ACP3: variants seen among roughly 807,000 people sequenced by gnomAD.
ACP3 encodes prostatic acid phosphatase.
A neutral mutation model predicts 45.6 loss-of-function variants in ACP3; 38 were observed. The ratio of observed to expected loss-of-function variants is 0.83; its 90% CI spans 0.64 to 1.09. ACP3 has a LOEUF of 1.09. Among genes scored for constraint, ACP3 ranks in the 50% least tolerant of loss-of-function variants. The pLI, the probability that ACP3 is intolerant of heterozygous loss-of-function variation, is 0.00. For missense variants in ACP3, 466 were observed against 463.2 expected (o/e 1.01, Z -0.05); for synonymous variants, 162 against 164.7 (o/e 0.98, Z 0.13).
intron 7 of ACP3, among the ~76,000 whole-genome samples, chr3:132,346,409 A>G (rs1181541550): frequency 6.6e-6 from 1 of 152,016 alleles, no homozygotes; most frequent in African/African-American, 2.4e-5. Context: ...TAGATCTGCT[A>G]TTACAAAAAT....
At chr3:132,324,651 T>G (rs1290088003) in intron 1 of ACP3, among the ~76,000 whole-genome samples, 1 of 152,128 alleles carries the variant, frequency 6.6e-6, no homozygotes, top group African/African-American at 2.4e-5. Flanking sequence ...TTATTTTTAT[T>G]TATTTATTTT....
intron 9 of ACP3, among the ~76,000 whole-genome samples, chr3:132,355,762 C>A (rs9847611): frequency 6.6e-6 from 1 of 152,136 alleles, no homozygotes; most frequent in Non-Finnish European, 1.5e-5. Context: ...GTGATCCACC[C>A]GCCTCGACCT....
At chr3:132,338,107 T>C (rs992705130) in intron 5 of ACP3, among the ~76,000 whole-genome samples, 10 of 152,180 alleles carry the variant, frequency 6.6e-5, no homozygotes, top group Non-Finnish European at 1.3e-4. Flanking sequence ...TATTTTCTAG[T>C]AGTCTTTTAT....
intron 1 of ACP3, among the ~76,000 whole-genome samples, chr3:132,323,686 T>C (rs1937245076): frequency 6.6e-6 from 1 of 152,146 alleles, no homozygotes; most frequent in African/African-American, 2.4e-5. Context: ...ATTTAGTATA[T>C]TGGATGTAAC....
intron 2 of ACP3, among the ~76,000 whole-genome samples, chr3:132,330,555 G>A (rs1937381863): frequency 6.6e-6 from 1 of 152,174 alleles, no homozygotes. Flanking sequence ...TATTTAAAAA[G>A]TCAGCTGTAA....
At chr3:132,356,584 T>C in intron 9 of ACP3, 102 bp from the exon 10 acceptor site, 1 of 1,581,604 alleles carries the variant, frequency 6.3e-7, no homozygotes, top group Non-Finnish European at 8.6e-7. Context: ...GTTTTTCCAT[T>C]AGTCCCTCAA....
intron 6 of ACP3, among the ~76,000 whole-genome samples, chr3:132,342,909 T>TC (rs1331064470): frequency 6.9e-6 from 1 of 145,104 alleles, no homozygotes; most frequent in Non-Finnish European, 1.5e-5. Context: ...TTTAGTTTTT[T>TC]CCCCCCTTGG....
Position 132,357,160 on chromosome 3 carries a change from A to G in ACP3, c.*282A>G, listed in dbSNP as rs1011171426. The stretch of plus-strand genomic sequence containing the variant: ...AGAGATAAAGCTTAGGTCAAAGTTC[A>G]TAGAGTTCCCATGAACTATATGACT... On this transcript the variant is annotated 3_prime_UTR_variant, in exon 10 of 10. Transcript: ENST00000336375. 1.6e-5 allele frequency: 18 copies of G among 1,117,844 alleles called. No homozygotes were observed. Among genetic ancestry groups the G allele is most frequent in the Non-Finnish European group, 1.9e-5 (17 of 912,004 alleles). 69.2% of individuals were successfully genotyped at this position (1,117,844 alleles called of 1,614,324 possible).
At chr3:132,335,350 G>A (rs1937471447) in intron 4 of ACP3, among the ~76,000 whole-genome samples, 1 of 152,118 alleles carries the variant, frequency 6.6e-6, no homozygotes, top group Admixed American at 6.5e-5. Context: ...AAGAAATAAG[G>A]CCTGAAATGA....
chr3:132,331,586 A>G, intron 2 of ACP3, 61 bp from the exon 3 acceptor site: 1 of 1,340,596 alleles, frequency 7.5e-7, no homozygotes, highest in Non-Finnish European at 1.0e-6. Context: ...ACAAATTTTT[A>G]TGATAGTGTG....
chr3:132,343,923 T>A (rs1482279556), intron 6 of ACP3, among the ~76,000 whole-genome samples: 1 of 152,000 alleles, frequency 6.6e-6, no homozygotes. Context: ...CATTTGAGGC[T>A]AGAAGTTCAG....
At position 132,357,203 on chromosome 3, in the gene ACP3, T is replaced by C. The variant is rs1360113495; in HGVS notation, c.*325T>C. The C allele has an allele frequency of 9.8e-7, 1 of 1,015,764 alleles. No homozygotes were observed. Among genetic ancestry groups the C allele is most frequent in the African/African-American group, 1.7e-5 (1 of 58,272 alleles). The allele number at this position is 1,015,764 out of a possible 1,614,324, so 62.9% of individuals were successfully genotyped here. A position where few individuals can be genotyped will look rare whatever the true frequency, so the allele number is the denominator to read the frequency against. On this transcript the variant is annotated 3_prime_UTR_variant, in exon 10 of 10. Transcript: ENST00000336375. The stretch of plus-strand genomic sequence containing the variant: ...ATATGACTGGCCACACAGGATCTTT[T>C]GTATTTAAGGATTCTGAGATTTTGC...
chr3:132,337,972 A>T (rs1485851509), intron 5 of ACP3, among the ~76,000 whole-genome samples: 1 of 152,154 alleles, frequency 6.6e-6, no homozygotes, highest in Non-Finnish European at 1.5e-5. Context: ...CAAAAGGTAG[A>T]TATAATGCTG....
At chr3:132,332,144 C>A (rs745587221) in intron 3 of ACP3, 48 bp from the exon 4 acceptor site, 6 of 1,611,374 alleles carry the variant, frequency 3.7e-6, no homozygotes, top group African/African-American at 2.7e-5. Flanking sequence ...TAGAAAAAAA[C>A]CTCATGCTCC....
intron 6 of ACP3, among the ~76,000 whole-genome samples, chr3:132,343,362 C>T (rs1386317993): frequency 6.6e-6 from 1 of 152,210 alleles, no homozygotes; most frequent in Non-Finnish European, 1.5e-5. Flanking sequence ...ATCTTAATAA[C>T]AGATGACACA....
At chr3:132,365,786 T>C (rs1282178886) in intron 10 of ACP3, among the ~76,000 whole-genome samples, 1 of 151,842 alleles carries the variant, frequency 6.6e-6, no homozygotes, top group Admixed American at 6.6e-5. Flanking sequence ...CAGGAGTTCA[T>C]GGTCAGCCTG....
At position 132,317,466 on chromosome 3, in the gene ACP3, G is replaced by A. The variant is rs141502063; in HGVS notation, c.10G>A (p.Ala4Thr). 5.1e-4 allele frequency: 819 copies of A among 1,612,794 alleles called. No homozygotes were observed. The highest frequency in any genetic ancestry group is 6.4e-4 in the Non-Finnish European group (755 of 1,179,484). Residue 4 changes from alanine to threonine, a missense_variant, in exon 1 of 10, where the codon GCA becomes ACA. Physicochemically the swap from Ala to Thr is moderately conservative, Grantham distance 58. Coordinates refer to ENST00000336375, the MANE Select transcript of ACP3 (RefSeq NM_001099.5). MRA[A>T]PLLLARAASL... ...AACAGCTCTCCTCAACATGAGAGCT[G>A]CACCCCTCCTCCTGGCCAGGGCAGC...
At chr3:132,326,615 C>T (rs1054495584) in intron 1 of ACP3, among the ~76,000 whole-genome samples, 2 of 152,144 alleles carry the variant, frequency 1.3e-5, no homozygotes, top group African/African-American at 4.8e-5. Flanking sequence ...TTTAAAGGGC[C>T]AAAAGATCTG....
At chr3:132,327,785 C>T (rs1055898371) in intron 1 of ACP3, among the ~76,000 whole-genome samples, 1 of 73,524 alleles carries the variant, frequency 1.4e-5, no homozygotes, top group Non-Finnish European at 2.8e-5. Context: ...CAGAGCAAGA[C>T]ACTGTTTCAA....
Sources: gnomAD v4.1 joint callset for allele counts (sites outside exome capture counted in the v4.1 genomes callset) on GRCh38, gnomAD v4.1.1 for gene constraint, MANE v1.5 for transcripts, NCBI Gene and HGNC (gene_info 2026-07-23, HGNC 2026-07-21) for gene names.